CNTN5: variants seen among roughly 807,000 people sequenced by gnomAD.
The protein encoded by CNTN5 is contactin-5.
CNTN5 carries 77 observed loss-of-function variants against 129.1 expected under a neutral mutation model. That is an observed-to-expected ratio of 0.60 (90% CI 0.50 to 0.72). The LOEUF (loss-of-function observed/expected upper bound fraction) is 0.72. Among genes scored for constraint, CNTN5 ranks in the 30% least tolerant of loss-of-function variants. CNTN5 has a pLI of 0.00. For synonymous variants in CNTN5, 509 were observed against 465.6 expected (o/e 1.09, Z -1.20); for missense variants, 1,478 against 1,328.8 (o/e 1.11, Z -1.75).
chr11:99,387,164 T>A (rs1940969834), intron 2 of CNTN5, among the ~76,000 whole-genome samples: 1 of 152,204 alleles, frequency 6.6e-6, no homozygotes, highest in African/African-American at 2.4e-5. Flanking sequence ...TTTATATACA[T>A]CTATTTGCCA....
chr11:100,238,834 A>G (rs1949679690), intron 16 of CNTN5, among the ~76,000 whole-genome samples: 2 of 152,212 alleles, frequency 1.3e-5, no homozygotes, highest in Non-Finnish European at 2.9e-5. Context: ...TTATCTATTG[A>G]CAGAAATATC....
intron 3 of CNTN5, among the ~76,000 whole-genome samples, chr11:99,727,327 A>AAAAAAAAAAAAAAAAAAAAAAAAAG (rs1943384632): frequency 7.1e-6 from 1 of 140,032 alleles, no homozygotes; most frequent in Non-Finnish European, 1.5e-5. Context: ...AAAAAAAAAA[A>AAAAAAAAAAAAAAAAAAAAAAAAAG]AAAAAAATTC....
intron 6 of CNTN5, among the ~76,000 whole-genome samples, chr11:99,880,985 G>A (rs758767293): frequency 6.6e-6 from 1 of 152,174 alleles, no homozygotes; most frequent in Non-Finnish European, 1.5e-5. Flanking sequence ...GCTATCCACT[G>A]AGAAAATTAA....
At chr11:99,376,854 T>G (rs1321569328) in intron 2 of CNTN5, among the ~76,000 whole-genome samples, 1 of 152,202 alleles carries the variant, frequency 6.6e-6, no homozygotes, top group African/African-American at 2.4e-5. Context: ...ATCCTTTCTA[T>G]TCTCATGATG....
chr11:100,357,635 C>T lies in CNTN5; in HGVS notation c.*1415C>T, dbSNP rs1307428905. ...CCTGGAGAAACTATGGTTTTATAGG[C>T]GATGTTAACAAGAGAACAAAAATTG... On this transcript the variant is annotated 3_prime_UTR_variant, in exon 25 of 25. Coordinates refer to ENST00000524871, the MANE Select transcript of CNTN5 (RefSeq NM_014361.4). 4.0e-5 allele frequency: 6 copies of T among 151,384 alleles called. No homozygotes were observed. Among genetic ancestry groups the T allele is most frequent in the Non-Finnish European group, 5.9e-5 (4 of 67,756 alleles). The allele number at this position is 151,384 out of a possible 1,614,324, so 9.4% of individuals were successfully genotyped here. A position where few individuals can be genotyped will look rare whatever the true frequency, so the allele number is the denominator to read the frequency against.
intron 18 of CNTN5, among the ~76,000 whole-genome samples, chr11:100,289,612 AAAT>A (rs1950902789): frequency 6.6e-6 from 1 of 152,062 alleles, no homozygotes; most frequent in Non-Finnish European, 1.5e-5. Context: ...ACGTATCTCA[AAAT>A]AATAAGAGCT....
At chr11:99,160,019 G>A (rs1860533493) in intron 1 of CNTN5, among the ~76,000 whole-genome samples, 1 of 152,122 alleles carries the variant, frequency 6.6e-6, no homozygotes, top group Non-Finnish European at 1.5e-5. Flanking sequence ...AACAAAACAA[G>A]AGTAGTCTCT....
At chr11:99,194,399 A>G (rs144302696) in intron 1 of CNTN5, among the ~76,000 whole-genome samples, 8 of 152,282 alleles carry the variant, frequency 5.3e-5, no homozygotes, top group Non-Finnish European at 8.8e-5. Flanking sequence ...TTGCAATAAG[A>G]TACACAGCAC....
At chr11:99,579,335 A>T (rs1221125682) in intron 3 of CNTN5, among the ~76,000 whole-genome samples, 1 of 151,144 alleles carries the variant, frequency 6.6e-6, no homozygotes, top group Non-Finnish European at 1.5e-5. Flanking sequence ...TTCCATATGA[A>T]CTTTAAAGTA....
intron 9 of CNTN5, among the ~76,000 whole-genome samples, chr11:100,054,089 A>C (rs1565832473): frequency 6.6e-6 from 1 of 151,720 alleles, no homozygotes; most frequent in Non-Finnish European, 1.5e-5. Flanking sequence ...ATGAGGAAGA[A>C]CTTGGGGTTT....
At chr11:99,529,960 C>G (rs796606142) in intron 2 of CNTN5, among the ~76,000 whole-genome samples, 44 of 151,994 alleles carry the variant, frequency 2.9e-4, no homozygotes, top group African/African-American at 9.6e-4. Flanking sequence ...ATAAGAAAAA[C>G]AAAAATACTT....
intron 3 of CNTN5, among the ~76,000 whole-genome samples, chr11:99,818,262 C>T (rs1178320834): frequency 1.4e-5 from 2 of 147,260 alleles, no homozygotes; most frequent in Non-Finnish European, 3.0e-5. Context: ...ACAAAACTAC[C>T]TTTTTTTTTT....
At chr11:99,776,654 A>G (rs977173453) in intron 3 of CNTN5, among the ~76,000 whole-genome samples, 4 of 151,544 alleles carry the variant, frequency 2.6e-5, no homozygotes, top group African/African-American at 9.7e-5. Context: ...TTTATTTTCA[A>G]CTTTCAATGG....
intron 1 of CNTN5, among the ~76,000 whole-genome samples, chr11:99,261,146 A>T (rs1255989156): frequency 2.0e-5 from 3 of 152,054 alleles, no homozygotes; most frequent in Non-Finnish European, 4.4e-5. Flanking sequence ...GTAATATTTA[A>T]TAGCTAACCA....
chr11:100,003,406 G>A (rs1939999524), intron 9 of CNTN5, among the ~76,000 whole-genome samples: 1 of 152,136 alleles, frequency 6.6e-6, no homozygotes, highest in Non-Finnish European at 1.5e-5. Flanking sequence ...AAATAGGTCT[G>A]AAAATGTCCC....
At chr11:99,327,252 T>A (rs138107718) in intron 2 of CNTN5, among the ~76,000 whole-genome samples, 4 of 152,164 alleles carry the variant, frequency 2.6e-5, no homozygotes, top group African/African-American at 7.2e-5. Flanking sequence ...CACTTCCAGA[T>A]GGATGATGGA....
At position 99,381,041 on chromosome 11, in the gene CNTN5, G is replaced by T. The variant is rs575437970; in HGVS notation, c.-71+55557G>T. Among the ~76,000 whole-genome samples the T allele has an allele frequency of 3.3e-5, 5 of 152,214 alleles. No individual in the cohort carries two copies. In the South Asian group the frequency reaches 1.0e-3, roughly 32 times the overall value. Reference sequence around the variant, plus strand: ...ATCTGGGGATAGGACTCCAACATTTGAGTAGTTTTAAAGGATCTCCAGATG... The same window carrying T: ...ATCTGGGGATAGGACTCCAACATTTTAGTAGTTTTAAAGGATCTCCAGATG... On this transcript the variant is annotated intron_variant, in intron 2 of 24. Transcript: ENST00000524871.
chr11:99,592,915 T>A (rs1297522208), intron 3 of CNTN5, among the ~76,000 whole-genome samples: 3 of 152,136 alleles, frequency 2.0e-5, no homozygotes, highest in Non-Finnish European at 4.4e-5. Flanking sequence ...AGCTTCTGGA[T>A]GTATGTTAAA....
rs187671324 is a variant in CNTN5 at position 99,292,220 on chromosome 11, T to C, written c.-209-33126T>C. 5.5e-5 allele frequency among the ~76,000 whole-genome samples: 8 copies of C among 145,888 alleles called. No individual in the cohort carries two copies. The East Asian group carries it at 1.4e-3, about 26-fold the overall frequency. On this transcript the variant is annotated intron_variant, in intron 1 of 24. Transcript: ENST00000524871. ...GAAAAGGCCTTTGACTAGGTATAAA[T>C]AGAAAATATATATATATAAAAGCTT...
Sources: gnomAD v4.1 joint callset for allele counts (sites outside exome capture counted in the v4.1 genomes callset) on GRCh38, gnomAD v4.1.1 for gene constraint, MANE v1.5 for transcripts, NCBI Gene and HGNC (gene_info 2026-07-23, HGNC 2026-07-21) for gene names.